ZNF99: variants seen among roughly 807,000 people sequenced by gnomAD.
ZNF99 encodes zinc finger protein 99.
Under a neutral mutation model 12.8 loss-of-function variants are expected in ZNF99, and 8 were observed. That is an observed-to-expected ratio of 0.62 (90% CI 0.37 to 1.13). The LOEUF is 1.13. ZNF99 is among the 50% of genes most tolerant of loss of function. The probability of loss-of-function intolerance (pLI) is 0.02; values close to 1 mark genes in which losing one functional copy is unlikely to be tolerated. For synonymous variants in ZNF99, 318 were observed against 319.0 expected (o/e 1.00, Z 0.03); for missense variants, 1,007 against 1,006.2 (o/e 1.00, Z -0.01).
At chr19:22,771,862 C>T (rs192866991) in intron 1 of ZNF99, among the ~76,000 whole-genome samples, 5 of 144,444 alleles carry the variant, frequency 3.5e-5, no homozygotes, top group East Asian at 4.3e-4. Flanking sequence ...GGATTACAGG[C>T]GTGTGCCACC....
chr19:22,777,779 C>T (rs1973345922), intron 1 of ZNF99, among the ~76,000 whole-genome samples: 1 of 151,896 alleles, frequency 6.6e-6, no homozygotes, highest in Admixed American at 6.6e-5. Flanking sequence ...TGAGATTTGG[C>T]AGGAAACACT....
At chr19:22,774,934 C>G (rs1444488971) in intron 1 of ZNF99, among the ~76,000 whole-genome samples, 2 of 152,038 alleles carry the variant, frequency 1.3e-5, no homozygotes, top group African/African-American at 2.4e-5. Flanking sequence ...AATGGAAAAC[C>G]ATTTTATGCT....
chr19:22,768,190 C>T, intron 3 of ZNF99, 115 bp downstream of exon 3: 3 of 1,180,606 alleles, frequency 2.5e-6, no homozygotes, highest in Non-Finnish European at 3.7e-6. Flanking sequence ...TCTCAGTCTT[C>T]CCAGAAACTA....
chr19:22,759,150 T>C lies in ZNF99; in HGVS notation c.759A>G (p.Gly253=), dbSNP rs751565351. 6.2e-7 allele frequency: 1 copy of C among 1,608,264 alleles called. No homozygotes were observed. Among genetic ancestry groups the C allele is most frequent in the African/African-American group, 1.3e-5 (1 of 74,798 alleles). Residue 253 remains glycine, a synonymous_variant, in exon 4 of 4, where the codon GGA becomes GGG. Transcript: ENST00000596209. Reference sequence around the variant, plus strand: ...ATTCTTCACATTTGCAGGGTTTCTTTCCAGTATGAATTATCTTACATTTAG... The same window carrying C: ...ATTCTTCACATTTGCAGGGTTTCTTCCCAGTATGAATTATCTTACATTTAG... The part of the protein sequence containing the change: ...MFTKCKIIHT[G]KKPCKCEECG...
chr19:22,753,937 C>T lies in ZNF99; in HGVS notation c.*3377G>A, dbSNP rs767033795. On this transcript the variant is annotated 3_prime_UTR_variant, in exon 4 of 4. Transcript: ENST00000596209. ...AAAGGCTTTGTGACATGACTCACATCTAGGGCTTCTTGACACTATGATTTC... is the reference window on the plus strand; with the variant it reads ...AAAGGCTTTGTGACATGACTCACATTTAGGGCTTCTTGACACTATGATTTC... The T allele has an allele frequency of 4.6e-6, 2 of 432,234 alleles. No homozygotes were observed. Among genetic ancestry groups the T allele is most frequent in the Non-Finnish European group, 9.4e-6 (2 of 213,804 alleles). The allele number at this position is 432,234 out of a possible 1,614,324, so 26.8% of individuals were successfully genotyped here. A position where few individuals can be genotyped will look rare whatever the true frequency, so the allele number is the denominator to read the frequency against.
At chr19:22,776,748 C>G (rs893247458) in intron 1 of ZNF99, among the ~76,000 whole-genome samples, 2 of 152,172 alleles carry the variant, frequency 1.3e-5, no homozygotes, top group Non-Finnish European at 2.9e-5. Flanking sequence ...AAAAATTATT[C>G]TGTCATAAAG....
chr19:22,777,280 T>C (rs1057214568), intron 1 of ZNF99, among the ~76,000 whole-genome samples: 1 of 152,184 alleles, frequency 6.6e-6, no homozygotes, highest in African/African-American at 2.4e-5. Context: ...CCATTATCCT[T>C]AGAAAACTAA....
In ZNF99 at chr19:22,757,705, C is replaced by G. The variant is rs201175938; in HGVS notation, c.2204G>C (p.Cys735Ser). The G allele has an allele frequency of 1.2e-4, 191 of 1,612,024 alleles. No homozygotes were observed. The highest frequency in any genetic ancestry group is 4.2e-5 in the Non-Finnish European group (49 of 1,179,678). ...CTTAAAAGCTTTACCACATTCTTCACATTTGTAGGGTTTCTCTCCAGTATG... is the reference window on the plus strand; with the variant it reads ...CTTAAAAGCTTTACCACATTCTTCAGATTTGTAGGGTTTCTCTCCAGTATG... Reference protein sequence around the residue: ...IIHTGEKPYKCEECGKAFKWS... With the variant: ...IIHTGEKPYKSEECGKAFKWS... Residue 735 changes from cysteine (C) to serine (S), a missense_variant, in exon 4 of 4, where the codon TGT (cysteine) becomes TCT (serine). By Grantham distance (112) the Cys-to-Ser change is moderately radical. Transcript: ENST00000596209.
chr19:22,775,322 TTAA>T (rs1418462678), intron 1 of ZNF99, among the ~76,000 whole-genome samples: 1 of 152,160 alleles, frequency 6.6e-6, no homozygotes, highest in African/African-American at 2.4e-5. Context: ...AAATCCCTAT[TTAA>T]TAAATGGTAC....
intron 1 of ZNF99, among the ~76,000 whole-genome samples, chr19:22,782,539 T>A (rs1973399661): frequency 6.6e-6 from 1 of 151,726 alleles, no homozygotes; most frequent in African/African-American, 2.4e-5. Flanking sequence ...TTTTTGTATT[T>A]TTAGTAGAGA....
At chr19:22,778,962 GTGCCAT>G (rs1973357790) in intron 1 of ZNF99, among the ~76,000 whole-genome samples, 1 of 151,512 alleles carries the variant, frequency 6.6e-6, no homozygotes, top group Admixed American at 6.6e-5. Flanking sequence ...AGCCAAGATT[GTGCCAT>G]TGCACTCAAG....
chr19:22,766,792 C>G (rs1367520694), intron 3 of ZNF99, among the ~76,000 whole-genome samples: 2 of 151,750 alleles, frequency 1.3e-5, no homozygotes, highest in African/African-American at 4.8e-5. Flanking sequence ...GCTGGGATTA[C>G]AGGCATGCGC....
intron 3 of ZNF99, among the ~76,000 whole-genome samples, chr19:22,760,323 A>G (rs16999598): frequency 0.19 from 29,396 of 152,104 alleles, 3,799 homozygotes; most frequent in African/African-American, 0.37. Flanking sequence ...CCATCTCCTG[A>G]TTTCATTTCT....
Position 22,758,501 on chromosome 19 carries a change from T to G in ZNF99, c.1408A>C (p.Lys470Gln). The change falls in exon 4 of 4, where the codon AAA (lysine) becomes CAA (glutamine). Residue 470 changes from lysine (K) to glutamine (Q), a missense_variant. Coordinates refer to ENST00000596209, the MANE Select transcript of ZNF99 (RefSeq NM_001080409.3). ...KAFSNFSALR[K>Q]HEIIHTGEKP... ...TCTCCAGTATGAATTATCTCATGTT[T>G]TCTAAGGGCTGAAAAATTGCTAAAA... 1 of 1,613,348 alleles carries G rather than the reference T, an allele frequency of 6.2e-7. No homozygotes were observed. Among genetic ancestry groups the G allele is most frequent in the Non-Finnish European group, 8.5e-7 (1 of 1,179,658 alleles).
chr19:22,769,980 C>T lies in ZNF99; in HGVS notation c.4-656G>A, dbSNP rs372011582. 2.8e-4 allele frequency: 380 copies of T among 1,360,452 alleles called. 1 individual carries two copies. The highest frequency in any genetic ancestry group is 3.7e-4 in the Non-Finnish European group (378 of 1,020,166). The allele number at this position is 1,360,452 out of a possible 1,614,324, so 84.3% of individuals were successfully genotyped here. A position where few individuals can be genotyped will look rare whatever the true frequency, so the allele number is the denominator to read the frequency against. On this transcript the variant is annotated intron_variant, in intron 1 of 3. Coordinates refer to ENST00000596209, the MANE Select transcript of ZNF99 (RefSeq NM_001080409.3). ...TTGTACATTTTTCAGACCAAAAAGACATGTTGAGTTAGAAGACACCTCTCA... is the reference window on the plus strand; with the variant it reads ...TTGTACATTTTTCAGACCAAAAAGATATGTTGAGTTAGAAGACACCTCTCA...
rs758009304 is a variant in ZNF99, at chr19:22,758,587, C to T, written c.1322G>A (p.Arg441Lys). Reference protein sequence around the residue: ...GKAFKRFSALRKHKIIHTGKQ... With the variant: ...GKAFKRFSALKKHKIIHTGKQ... ...TCCAGTATGAATTATCTTATGTTTT[C>T]TAAGGGCTGAGAAACGCTTAAAAGC... Residue 441 changes from arginine to lysine, a missense_variant, in exon 4 of 4, where the codon AGA becomes AAA. Transcript: ENST00000596209. The T allele has an allele frequency of 6.2e-7, 1 of 1,612,766 alleles. No homozygotes were observed. Among genetic ancestry groups the T allele is most frequent in the Non-Finnish European group, 8.5e-7 (1 of 1,179,592 alleles).
Position 22,755,244 on chromosome 19 carries a change from A to G in ZNF99, c.*2070T>C. 3.7e-6 allele frequency: 1 copy of G among 272,996 alleles called. No homozygotes were observed. Among genetic ancestry groups the G allele is most frequent in the Non-Finnish European group, 7.4e-6 (1 of 134,260 alleles). The allele number at this position is 272,996 out of a possible 1,614,324, so 16.9% of individuals were successfully genotyped here. ...CAGTACGAATTTTCTTATGTCTAAT[A>G]AAGTTTAACTGATTAAAAGCATTGC... is the stretch of plus-strand genomic sequence containing the variant. On this transcript the variant is annotated 3_prime_UTR_variant, in exon 4 of 4. Coordinates refer to ENST00000596209, the MANE Select transcript of ZNF99 (RefSeq NM_001080409.3).
At chr19:22,759,978 T>G (rs1973132550) in intron 3 of ZNF99, among the ~76,000 whole-genome samples, 1 of 152,118 alleles carries the variant, frequency 6.6e-6, no homozygotes, top group African/African-American at 2.4e-5. Flanking sequence ...CTCTTCCTGC[T>G]CCCCAAAATG....
At chr19:22,770,862 G>A (rs1568386474) in intron 1 of ZNF99, 1 of 151,848 alleles carries the variant, frequency 6.6e-6, no homozygotes, top group Non-Finnish European at 1.5e-5. Flanking sequence ...CCCATTTTTT[G>A]TAACTTTTAA....
Sources: gnomAD v4.1 joint callset for allele counts (sites outside exome capture counted in the v4.1 genomes callset) on GRCh38, gnomAD v4.1.1 for gene constraint, MANE v1.5 for transcripts, NCBI Gene and HGNC (gene_info 2026-07-23, HGNC 2026-07-21) for gene names.